Variants in CBFA2T3 observed in about 807,000 individuals in gnomAD.
CBFA2T3 encodes the protein CBFA2/RUNX1 partner transcriptional co-repressor 3, also known as transcriptional corepressor CBFA2T3.
A neutral mutation model predicts 58.6 loss-of-function variants in CBFA2T3; 31 were observed. That is an observed-to-expected ratio of 0.53 (90% CI 0.40 to 0.71). The LOEUF (loss-of-function observed/expected upper bound fraction) is 0.71, where lower values mean the gene tolerates loss of function less well. Ranked by LOEUF, CBFA2T3 falls within the 30% of genes least tolerant of loss-of-function variation. CBFA2T3 has a pLI of 0.00. For missense variants in CBFA2T3, 1,076 were observed against 963.1 expected, an observed-to-expected ratio of 1.12 and a Z score of -1.55; for synonymous variants, 531 against 421.9, an observed-to-expected ratio of 1.26 and a Z score of -3.17.
intron 1 of CBFA2T3, among the ~76,000 whole-genome samples, chr16:88,948,123 G>C (rs1330034791): frequency 3.9e-5 from 6 of 152,114 alleles, no homozygotes; most frequent in Admixed American, 3.9e-4. Flanking sequence ...GATCAGAACG[G>C]GAGCTGTGTC....
intron 1 of CBFA2T3, among the ~76,000 whole-genome samples, chr16:88,949,961 A>G (rs1972007621): frequency 6.6e-6 from 1 of 151,944 alleles, no homozygotes; most frequent in Non-Finnish European, 1.5e-5. Context: ...ATGAGCCAAA[A>G]TGGTGCCACT....
At chr16:88,895,207 C>T (rs893516432) in intron 3 of CBFA2T3, among the ~76,000 whole-genome samples, 39 of 152,228 alleles carry the variant, frequency 2.6e-4, no homozygotes, top group African/African-American at 7.7e-4. Flanking sequence ...AGGGCACTGA[C>T]CAGCCCGTAC....
At chr16:88,908,309 T>A (rs1423177694) in intron 1 of CBFA2T3, among the ~76,000 whole-genome samples, 1 of 149,506 alleles carries the variant, frequency 6.7e-6, no homozygotes, top group African/African-American at 2.5e-5. Flanking sequence ...GCCACCGCAC[T>A]CCAGCCTGGA....
chr16:88,957,975 G>A (rs966153060), intron 1 of CBFA2T3, among the ~76,000 whole-genome samples: 2 of 152,222 alleles, frequency 1.3e-5, no homozygotes, highest in African/African-American at 4.8e-5. Flanking sequence ...ACTTGAGATG[G>A]GTGAGTTGTA....
At chr16:88,896,824 C>T (rs1002591147) in intron 3 of CBFA2T3, among the ~76,000 whole-genome samples, 3 of 152,222 alleles carry the variant, frequency 2.0e-5, no homozygotes, top group African/African-American at 7.2e-5. Flanking sequence ...CTTAGGTGCG[C>T]TTACCAGCCT....
At position 88,967,119 on chromosome 16, in the gene CBFA2T3, C is replaced by A. The variant is rs575956529; in HGVS notation, c.151+9538G>T. ...GTGTGTGCCACCCCCAACCCCCAAC[C>A]CCCGAGGTGCCACTCGGCCCCGACA... On this transcript the variant is annotated intron_variant, in intron 1 of 11. Transcript: ENST00000268679. Among the ~76,000 whole-genome samples, 333 of 136,798 alleles carry A rather than the reference C, an allele frequency of 2.4e-3. 3 individuals are homozygous for A. The highest frequency in any genetic ancestry group is 3.2e-3 in the Admixed American group (44 of 13,900). The allele number at this position is 136,798 out of a possible 152,430, so 89.7% of individuals were successfully genotyped here.
chr16:88,926,660 C>G (rs752555766), intron 1 of CBFA2T3, among the ~76,000 whole-genome samples: 36 of 152,214 alleles, frequency 2.4e-4, no homozygotes, highest in Non-Finnish European at 4.3e-4. Context: ...GCAGGATCTT[C>G]CCAAGGGACA....
At chr16:88,918,301 G>A (rs571255370) in intron 1 of CBFA2T3, among the ~76,000 whole-genome samples, 6 of 152,378 alleles carry the variant, frequency 3.9e-5, no homozygotes, top group Admixed American at 3.3e-4. Flanking sequence ...GGCCGGGGGT[G>A]AAGGGAGGCC....
chr16:88,932,059 G>A (rs1427974908), intron 1 of CBFA2T3, among the ~76,000 whole-genome samples: 4 of 152,118 alleles, frequency 2.6e-5, no homozygotes, highest in Non-Finnish European at 5.9e-5. Flanking sequence ...CACACACTCA[G>A]ACTTTACACA....
At chr16:88,960,046 T>C (rs796263253) in intron 1 of CBFA2T3, among the ~76,000 whole-genome samples, 1 of 151,836 alleles carries the variant, frequency 6.6e-6, no homozygotes, top group African/African-American at 2.4e-5. Flanking sequence ...AATAATAAAT[T>C]AAAATAAATA....
intron 1 of CBFA2T3, among the ~76,000 whole-genome samples, chr16:88,945,048 T>C (rs563323537): frequency 6.6e-6 from 1 of 152,366 alleles, no homozygotes; most frequent in South Asian, 2.1e-4. Context: ...AAACATTTTC[T>C]GTTATAACTA....
intron 1 of CBFA2T3, among the ~76,000 whole-genome samples, chr16:88,954,404 A>AGGCTCCT (rs1208803813): frequency 7.5e-6 from 1 of 133,770 alleles, no homozygotes; most frequent in African/African-American, 3.0e-5. Context: ...ACCCTACCCA[A>AGGCTCCT]GACTCCTGAC....
intron 1 of CBFA2T3, among the ~76,000 whole-genome samples, chr16:88,975,227 G>GA (rs1567644130): frequency 1.0e-4 from 9 of 90,252 alleles, no homozygotes; most frequent in East Asian, 3.8e-4. Flanking sequence ...CTCCTCACCT[G>GA]CAGCCATGTC....
intron 5 of CBFA2T3, among the ~76,000 whole-genome samples, chr16:88,889,127 G>T (rs910330435): frequency 6.6e-6 from 1 of 151,742 alleles, no homozygotes; most frequent in African/African-American, 2.4e-5. Flanking sequence ...GACTGGGAGG[G>T]GTGGAGTCCG....
intron 1 of CBFA2T3, among the ~76,000 whole-genome samples, chr16:88,951,930 C>G (rs1020137523): frequency 2.0e-5 from 3 of 152,226 alleles, no homozygotes; most frequent in African/African-American, 7.2e-5. Context: ...CTTGAGCCAG[C>G]ACAGTCCCAG....
intron 3 of CBFA2T3, among the ~76,000 whole-genome samples, chr16:88,895,666 C>T (rs113477736): frequency 0.029 from 4,459 of 152,302 alleles, 92 homozygotes; most frequent in Non-Finnish European, 0.047. Flanking sequence ...CCAGCGCTCA[C>T]TCTGCTCTCA....
intron 1 of CBFA2T3, among the ~76,000 whole-genome samples, chr16:88,927,205 G>A (rs1008793823): frequency 1.4e-4 from 22 of 152,202 alleles, no homozygotes; most frequent in African/African-American, 5.1e-4. Context: ...TAACGAGTTG[G>A]GTCAGATGGA....
chr16:88,968,608 C>T (rs1023234969), intron 1 of CBFA2T3, among the ~76,000 whole-genome samples: 3 of 152,332 alleles, frequency 2.0e-5, no homozygotes, highest in African/African-American at 7.2e-5. Flanking sequence ...AATATGCTGC[C>T]GTGTTGGAGG....
chr16:88,913,036 T>G (rs1317403723), intron 1 of CBFA2T3, among the ~76,000 whole-genome samples: 1 of 152,240 alleles, frequency 6.6e-6, no homozygotes, highest in Non-Finnish European at 1.5e-5. Flanking sequence ...CCAAAGCCCC[T>G]GCCCTTTCGA....
Sources: allele counts gnomAD v4.1 joint callset (sites outside exome capture counted in the v4.1 genomes callset), GRCh38; gene constraint gnomAD v4.1.1; transcripts MANE v1.5; gene names NCBI Gene and HGNC (gene_info 2026-07-23, HGNC 2026-07-21).